Variants in GRM7 observed in about 807,000 individuals in gnomAD.
GRM7 encodes glutamate metabotropic receptor 7.
Under a neutral mutation model 84.5 loss-of-function variants are expected in GRM7, and 35 were observed. The observed-to-expected ratio is 0.41, with a 90% CI of 0.32 to 0.55. The LOEUF (loss-of-function observed/expected upper bound fraction) is 0.55, where lower values mean the gene tolerates loss of function less well. GRM7 is among the 20% of genes least tolerant of loss of function. The pLI is 0.19. For missense variants in GRM7, 1,003 were observed against 1,194.6 expected (o/e 0.84, Z 2.36); for synonymous variants, 487 against 455.1 (o/e 1.07, Z -0.89).
At chr3:7,630,977 G>C (rs918148357) in intron 8 of GRM7, among the ~76,000 whole-genome samples, 1 of 152,190 alleles carries the variant, frequency 6.6e-6, no homozygotes, top group African/African-American at 2.4e-5. Context: ...AATTATCACT[G>C]TAACCCTTGG....
At chr3:7,627,661 G>A (rs1300294206) in intron 8 of GRM7, among the ~76,000 whole-genome samples, 4 of 152,082 alleles carry the variant, frequency 2.6e-5, no homozygotes, top group East Asian at 1.9e-4. Context: ...AAAGTATTAC[G>A]AACTGGGTGG....
intron 1 of GRM7, among the ~76,000 whole-genome samples, chr3:6,984,727 C>T (rs1028175301): frequency 6.6e-6 from 1 of 152,046 alleles, no homozygotes; most frequent in African/African-American, 2.4e-5. Flanking sequence ...GGCTGACCAT[C>T]CTTCAGTTGC....
At chr3:7,703,763 T>C (rs911514125) in intron 9 of GRM7, among the ~76,000 whole-genome samples, 1 of 152,220 alleles carries the variant, frequency 6.6e-6, no homozygotes, top group Non-Finnish European at 1.5e-5. Flanking sequence ...ATACATTTGA[T>C]ACCTGCAGAA....
intron 9 of GRM7, among the ~76,000 whole-genome samples, chr3:7,689,226 T>C (rs1559488783): frequency 6.6e-6 from 1 of 152,186 alleles, no homozygotes. Context: ...ATTATTGACA[T>C]CCATTATTGA....
At chr3:6,964,306 C>G (rs1318614950) in intron 1 of GRM7, among the ~76,000 whole-genome samples, 1 of 152,112 alleles carries the variant, frequency 6.6e-6, no homozygotes, top group Non-Finnish European at 1.5e-5. Context: ...GGGCCCTTTT[C>G]TGAGTTGCAA....
At position 6,971,263 on chromosome 3, in the gene GRM7, A is replaced by G. The variant is rs144850342; in HGVS notation, c.519+109356A>G. ...TTTTAAAACCAGTAGCTTAAAAGCC[A>G]TACCTACCAATAAAAGTCAACAACT... On this transcript the variant is annotated intron_variant, in intron 1 of 9. Coordinates refer to ENST00000357716, the MANE Select transcript of GRM7 (RefSeq NM_000844.4). Among the ~76,000 whole-genome samples the G allele has an allele frequency of 4.7e-3, 723 of 152,336 alleles. 4 individuals carry two copies. Among genetic ancestry groups the G allele is most frequent in the Non-Finnish European group, 7.9e-3 (534 of 68,020 alleles).
At chr3:7,176,928 C>A (rs368952243) in intron 2 of GRM7, among the ~76,000 whole-genome samples, 2 of 152,296 alleles carry the variant, frequency 1.3e-5, no homozygotes, top group Non-Finnish European at 2.9e-5. Flanking sequence ...TATAAGTTAA[C>A]CTTCATGTGA....
At chr3:6,985,746 G>A (rs1042491845) in intron 1 of GRM7, among the ~76,000 whole-genome samples, 1 of 152,194 alleles carries the variant, frequency 6.6e-6, no homozygotes, top group African/African-American at 2.4e-5. Flanking sequence ...ACTGGCTGAA[G>A]CAGTTGGGCC....
intron 1 of GRM7, among the ~76,000 whole-genome samples, chr3:6,867,163 G>A (rs757219297): frequency 6.6e-6 from 1 of 152,152 alleles, no homozygotes; most frequent in African/African-American, 2.4e-5. Context: ...ACTATTTTGA[G>A]TTTGATTTTA....
intron 1 of GRM7, among the ~76,000 whole-genome samples, chr3:7,108,493 ATTT>A (rs35770215): frequency 2.1e-4 from 29 of 139,964 alleles, no homozygotes; most frequent in African/African-American, 7.1e-4. Flanking sequence ...GGACTCAACC[ATTT>A]TTTTTTTTTT....
At chr3:7,037,673 A>G (rs1320717759) in intron 1 of GRM7, among the ~76,000 whole-genome samples, 1 of 152,218 alleles carries the variant, frequency 6.6e-6, no homozygotes, top group Non-Finnish European at 1.5e-5. Context: ...CAAGCATGTG[A>G]TGGATTTGAT....
intron 4 of GRM7, among the ~76,000 whole-genome samples, chr3:7,388,468 G>A (rs980494760): frequency 2.6e-5 from 4 of 152,160 alleles, no homozygotes; most frequent in East Asian, 3.9e-4. Context: ...AATGAGTTAG[G>A]GAGAAGTCTC....
chr3:7,049,873 G>C (rs1013799571), intron 1 of GRM7, among the ~76,000 whole-genome samples: 1 of 151,872 alleles, frequency 6.6e-6, no homozygotes, highest in Non-Finnish European at 1.5e-5. Flanking sequence ...GAGGAGTGGA[G>C]AGCAAGGCTT....
chr3:7,312,107 C>T lies in GRM7; in HGVS notation c.1033+5455C>T, dbSNP rs1022137031. Among the ~76,000 whole-genome samples the T allele has an allele frequency of 2.6e-5, 4 of 152,146 alleles. No individual in the cohort carries two copies. In the East Asian group the frequency reaches 5.8e-4, roughly 22 times the overall value. On this transcript the variant is annotated intron_variant, in intron 4 of 9. Coordinates refer to ENST00000357716, the MANE Select transcript of GRM7 (RefSeq NM_000844.4). ...ATATTGATGAATCTGAGTCCTGTCT[C>T]CCTCAAGCTCTGTTTAACTGAAACC... is the stretch of plus-strand genomic sequence containing the variant.
chr3:7,366,329 T>G (rs1693892460), intron 4 of GRM7, among the ~76,000 whole-genome samples: 1 of 151,850 alleles, frequency 6.6e-6, no homozygotes, highest in African/African-American at 2.4e-5. Context: ...CTCTCAAGAT[T>G]ATGTATGTAT....
chr3:7,600,940 C>A (rs752360416), intron 8 of GRM7, among the ~76,000 whole-genome samples: 2 of 152,124 alleles, frequency 1.3e-5, no homozygotes, highest in Non-Finnish European at 2.9e-5. Flanking sequence ...TCTACCAGTG[C>A]AACTTTATTC....
At chr3:7,707,318 T>C (rs2125163159) in intron 9 of GRM7, among the ~76,000 whole-genome samples, 1 of 152,262 alleles carries the variant, frequency 6.6e-6, no homozygotes, top group Non-Finnish European at 1.5e-5. Flanking sequence ...AGTCTGAGTT[T>C]CTTGGTTTAG....
intron 1 of GRM7, among the ~76,000 whole-genome samples, chr3:6,991,846 C>T (rs1694647753): frequency 6.6e-6 from 1 of 152,108 alleles, no homozygotes; most frequent in South Asian, 2.1e-4. Flanking sequence ...TTATTAATTA[C>T]AGTCACTATG....
In GRM7 at chr3:6,928,965, C is replaced by T. The variant is rs1697402983; in HGVS notation, c.519+67058C>T. On this transcript the variant is annotated intron_variant, in intron 1 of 9. Coordinates refer to ENST00000357716, the MANE Select transcript of GRM7 (RefSeq NM_000844.4). This position sits in a 1 kb window ranked among gnomAD's most constrained non-coding sequence, Gnocchi z 4.5. ...GGGTCAGTGCTTAGTTAATATCTTG[C>T]ACCACTTGGCTTCTGTAAGCAAATG... Among the ~76,000 whole-genome samples the T allele has an allele frequency of 2.0e-5, 3 of 152,142 alleles. No individual in the cohort carries two copies. The highest frequency in any genetic ancestry group is 2.0e-4 in the Admixed American group (3 of 15,260).
Sources: gnomAD v4.1 joint callset for allele counts (sites outside exome capture counted in the v4.1 genomes callset) on GRCh38, gnomAD v4.1.1 for gene constraint, Gnocchi (gnomAD v3.1) non-coding constraint, MANE v1.5 for transcripts, NCBI Gene and HGNC (gene_info 2026-07-23, HGNC 2026-07-21) for gene names.